DOCK2: variants seen among roughly 807,000 people sequenced by gnomAD.
The protein encoded by DOCK2 is dedicator of cytokinesis 2.
In DOCK2, 87 loss-of-function variants were observed where a neutral mutation model predicts 248.9. The ratio of observed to expected loss-of-function variants is 0.35; its 90% CI spans 0.29 to 0.42. DOCK2 has a LOEUF of 0.42. Among genes scored for constraint, DOCK2 ranks in the 10% least tolerant of loss-of-function variants. The pLI is 1.00. For synonymous variants in DOCK2, 805 were observed against 821.6 expected (o/e 0.98, Z 0.35); for missense variants, 1,747 against 2,300.2 (o/e 0.76, Z 4.92).
At chr5:170,072,286 T>A (rs1204874364) in intron 46 of DOCK2, among the ~76,000 whole-genome samples, 12 of 152,222 alleles carry the variant, frequency 7.9e-5, no homozygotes, top group Non-Finnish European at 1.5e-4. Flanking sequence ...TGTACTACTG[T>A]ATCTGTAGCT....
chr5:170,065,993 C>T (rs575720694), intron 44 of DOCK2, among the ~76,000 whole-genome samples: 21 of 147,320 alleles, frequency 1.4e-4, no homozygotes, highest in African/African-American at 4.3e-4. Context: ...GCTCTGTCGC[C>T]GAGGCTGGAG....
chr5:170,045,784 A>G, intron 38 of DOCK2, 32 bp from the exon 39 acceptor site: 1 of 1,609,330 alleles, frequency 6.2e-7, no homozygotes, highest in South Asian at 1.1e-5. Flanking sequence ...CGGTGGTGCC[A>G]CCTCACCTTT....
intron 25 of DOCK2, among the ~76,000 whole-genome samples, chr5:169,777,907 T>C (rs1362465834): frequency 2.0e-5 from 3 of 152,204 alleles, no homozygotes; most frequent in Non-Finnish European, 2.9e-5. Flanking sequence ...GCTCTGCAGT[T>C]TCCTGTGCAT....
intron 9 of DOCK2, among the ~76,000 whole-genome samples, chr5:169,691,810 T>A (rs1208407938): frequency 6.6e-6 from 1 of 152,052 alleles, no homozygotes; most frequent in East Asian, 1.9e-4. Context: ...AGCTGACTGT[T>A]GACTTTCCCT....
At chr5:169,687,270 C>T (rs1319894788) in intron 8 of DOCK2, among the ~76,000 whole-genome samples, 3 of 152,084 alleles carry the variant, frequency 2.0e-5, no homozygotes, top group African/African-American at 7.2e-5. Context: ...TTACTGCAAA[C>T]TCCACTACAA....
intron 25 of DOCK2, among the ~76,000 whole-genome samples, chr5:169,800,764 C>T (rs953324455): frequency 1.3e-5 from 2 of 151,910 alleles, no homozygotes; most frequent in Non-Finnish European, 2.9e-5. Flanking sequence ...GGGAATAATC[C>T]ATAGAATCAG....
intron 27 of DOCK2, among the ~76,000 whole-genome samples, chr5:169,905,923 A>C (rs898763822): frequency 1.3e-5 from 2 of 152,208 alleles, no homozygotes; most frequent in Admixed American, 6.5e-5. Flanking sequence ...AGCTGTCTTG[A>C]ACCTGACTGT....
At chr5:170,081,763 C>A in intron 50 of DOCK2, 79 bp from the exon 51 acceptor site, 1 of 1,268,476 alleles carries the variant, frequency 7.9e-7, no homozygotes, top group Non-Finnish European at 1.1e-6. Context: ...GTCCCCCAGC[C>A]CTCCCCCTGT....
intron 41 of DOCK2, among the ~76,000 whole-genome samples, chr5:170,053,162 A>G (rs1335656202): frequency 6.6e-6 from 1 of 152,224 alleles, no homozygotes; most frequent in Non-Finnish European, 1.5e-5. Flanking sequence ...CTCCTGGTAC[A>G]ACTTCAGGGG....
chr5:169,818,684 C>A (rs942843289), intron 26 of DOCK2, among the ~76,000 whole-genome samples: 1 of 152,120 alleles, frequency 6.6e-6, no homozygotes, highest in Non-Finnish European at 1.5e-5. Context: ...ATGCCAGGGC[C>A]TTTCCGCAGC....
At chr5:169,832,480 C>A (rs941988248) in intron 26 of DOCK2, among the ~76,000 whole-genome samples, 41 of 152,288 alleles carry the variant, frequency 2.7e-4, no homozygotes, top group African/African-American at 8.4e-4. Flanking sequence ...GTTTACCCTG[C>A]CTCCCCTTCG....
At chr5:169,920,676 T>C (rs1581418612) in intron 27 of DOCK2, among the ~76,000 whole-genome samples, 2 of 152,222 alleles carry the variant, frequency 1.3e-5, no homozygotes, top group Non-Finnish European at 2.9e-5. Flanking sequence ...TGATGGACAG[T>C]GTAGCCATAG....
In DOCK2 at chr5:169,721,550, G is replaced by C. The variant is rs150682452; in HGVS notation, c.2267+2759G>C. Reference sequence around the variant, plus strand: ...ATGCTTTGAGATGTCTAACCCAGCTGTTGGGAAATCAGAATTGAATTATTG... The same window carrying C: ...ATGCTTTGAGATGTCTAACCCAGCTCTTGGGAAATCAGAATTGAATTATTG... On this transcript the variant is annotated intron_variant, in intron 22 of 51. Transcript: ENST00000520908. Among the ~76,000 whole-genome samples the C allele has an allele frequency of 2.2e-4, 34 of 152,348 alleles. No homozygotes were observed. The East Asian group carries it at 5.2e-3, about 23-fold the overall frequency.
At chr5:170,057,933 G>T (rs921792516) in intron 44 of DOCK2, among the ~76,000 whole-genome samples, 5 of 152,052 alleles carry the variant, frequency 3.3e-5, no homozygotes, top group South Asian at 2.1e-4. Flanking sequence ...AGCTTCTGTT[G>T]GGTGGGTGGG....
Position 169,716,096 on chromosome 5 carries a change from A to G in DOCK2, c.1942-117A>G, listed in dbSNP as rs137930257. The G allele has an allele frequency of 2.9e-3, 2,702 of 916,918 alleles. 7 individuals carry two copies. Among genetic ancestry groups the G allele is most frequent in the Non-Finnish European group, 4.1e-3 (2,456 of 596,588 alleles). 56.8% of individuals were successfully genotyped at this position (916,918 alleles called of 1,614,324 possible). A position where few individuals can be genotyped will look rare whatever the true frequency, so the allele number is the denominator to read the frequency against. On this transcript the variant is annotated intron_variant, in intron 19 of 51. Transcript: ENST00000520908. ...TAAAACTACTCTAGACGTTTTGAGC[A>G]TGACATGTGGTGGATGTGTGCTCTC...
At chr5:169,675,490 A>G (rs897098679) in intron 6 of DOCK2, among the ~76,000 whole-genome samples, 1 of 151,822 alleles carries the variant, frequency 6.6e-6, no homozygotes, top group Non-Finnish European at 1.5e-5. Flanking sequence ...GTAAGCCACA[A>G]GTAAACTGCT....
chr5:169,708,297 G>A (rs1344631578), intron 15 of DOCK2, 30 bp downstream of exon 15: 3 of 1,596,358 alleles, frequency 1.9e-6, no homozygotes, highest in Non-Finnish European at 1.7e-6. Flanking sequence ...GCAAACACAT[G>A]TCTAGTTCTT....
At chr5:170,022,358 C>A (rs1755758401) in intron 33 of DOCK2, among the ~76,000 whole-genome samples, 1 of 152,148 alleles carries the variant, frequency 6.6e-6, no homozygotes, top group Non-Finnish European at 1.5e-5. Flanking sequence ...AGAGGCAACC[C>A]CAGGGCAATC....
In DOCK2 at chr5:169,702,671, T is replaced by TTGTATGTA. The variant is rs58478617; in HGVS notation, c.1383+266_1383+273dup. The TTGTATGTA allele has an allele frequency of 2.1e-3, 684 of 319,018 alleles. 4 individuals carry two copies. Among genetic ancestry groups the TTGTATGTA allele is most frequent in the African/African-American group, 0.015 (643 of 41,580 alleles). The allele number at this position is 319,018 out of a possible 1,614,324, so 19.8% of individuals were successfully genotyped here. On this transcript the variant is annotated intron_variant, in intron 14 of 51. Transcript: ENST00000520908. ...GTTCCTTTCCTTTCACAACTTCTTC[T>TTGTATGTA]TGTATGTATGTATGTATGTATGTAT... is the stretch of plus-strand genomic sequence containing the variant.
Sources: allele counts gnomAD v4.1 joint callset (sites outside exome capture counted in the v4.1 genomes callset), GRCh38; gene constraint gnomAD v4.1.1; transcripts MANE v1.5; gene names NCBI Gene and HGNC (gene_info 2026-07-23, HGNC 2026-07-21).